Variants in TTC23L observed in about 807,000 individuals in gnomAD.
TTC23L encodes the protein tetratricopeptide repeat domain 23 like.
In TTC23L, 42 loss-of-function variants were observed where a neutral mutation model predicts 48.1. The ratio of observed to expected loss-of-function variants is 0.87; its 90% CI spans 0.68 to 1.13. The LOEUF is 1.13. Among genes scored for constraint, TTC23L ranks in the 50% most tolerant of loss-of-function variants. TTC23L has a pLI of 0.00. For synonymous variants in TTC23L, 159 were observed against 157.2 expected (o/e 1.01, Z -0.09); for missense variants, 391 against 421.0 (o/e 0.93, Z 0.62).
chr5:34,863,830 T>A lies in TTC23L; in HGVS notation c.537-607T>A, dbSNP rs1257560665. ...TCATCATGAGCACTCTTTGAGCCTA[T>A]GTGTCCCCAGTCTCCTCTCTACACA... On this transcript the variant is annotated intron_variant, in intron 5 of 10. Transcript: ENST00000505624. This position sits in a 1 kb window ranked among gnomAD's most constrained non-coding sequence, Gnocchi z 4.1. Among the ~76,000 whole-genome samples, 1 of 152,210 alleles carries A rather than the reference T, an allele frequency of 6.6e-6. No homozygotes were observed. The highest frequency in any genetic ancestry group is 1.5e-5 in the Non-Finnish European group (1 of 68,036).
intron 4 of TTC23L, among the ~76,000 whole-genome samples, chr5:34,855,591 C>T (rs1420170562): frequency 1.3e-5 from 2 of 152,170 alleles, no homozygotes; most frequent in African/African-American, 4.8e-5. Flanking sequence ...CAAGATTATT[C>T]TTTGCAGCAT....
At chr5:34,885,799 T>C (rs1762507148) in intron 9 of TTC23L, among the ~76,000 whole-genome samples, 1 of 151,970 alleles carries the variant, frequency 6.6e-6, no homozygotes, top group African/African-American at 2.4e-5. Flanking sequence ...TACCTACAAC[T>C]TATTTTCAAC....
chr5:34,898,660 A>T (rs922466750), intron 10 of TTC23L, among the ~76,000 whole-genome samples: 1 of 152,226 alleles, frequency 6.6e-6, no homozygotes, highest in Admixed American at 6.5e-5. Context: ...AAAGTGCCAG[A>T]TAGCTTTCTA....
At chr5:34,856,284 C>T (rs772626839) in intron 4 of TTC23L, among the ~76,000 whole-genome samples, 62 of 152,204 alleles carry the variant, frequency 4.1e-4, no homozygotes, top group Non-Finnish European at 5.0e-4. Flanking sequence ...GCTGATGTGA[C>T]GCTTAAAGGA....
chr5:34,900,388 C>T (rs1365858698), downstream of TTC23L, among the ~76,000 whole-genome samples: 6 of 151,818 alleles, frequency 4.0e-5, no homozygotes, highest in Non-Finnish European at 7.4e-5. Flanking sequence ...GTAATCCTAG[C>T]ACTCTGGGAG....
At chr5:34,870,990 A>G (rs1314442487) in intron 8 of TTC23L, among the ~76,000 whole-genome samples, 1 of 152,204 alleles carries the variant, frequency 6.6e-6, no homozygotes, top group South Asian at 2.1e-4. Flanking sequence ...AAAACCCTGC[A>G]GCTGATTTCA....
At chr5:34,888,725 T>C (rs1025856385) in intron 9 of TTC23L, among the ~76,000 whole-genome samples, 2 of 152,232 alleles carry the variant, frequency 1.3e-5, no homozygotes, top group Admixed American at 1.3e-4. Flanking sequence ...TACAGTCTCA[T>C]AGAACCCAGT....
At chr5:34,850,469 A>G (rs1170910838) in intron 4 of TTC23L, among the ~76,000 whole-genome samples, 161 bp downstream of exon 4, 3 of 152,234 alleles carry the variant, frequency 2.0e-5, no homozygotes, top group Non-Finnish European at 2.9e-5. Context: ...ACAGTGTGCA[A>G]GGATCTAAGT....
At chr5:34,885,916 C>A (rs1034660907) in intron 9 of TTC23L, among the ~76,000 whole-genome samples, 3 of 151,886 alleles carry the variant, frequency 2.0e-5, no homozygotes, top group African/African-American at 7.3e-5. Context: ...ATGTGTGAAT[C>A]TAGGCGAAAA....
chr5:34,893,193 T>C (rs928582335), intron 9 of TTC23L, among the ~76,000 whole-genome samples: 1 of 152,142 alleles, frequency 6.6e-6, no homozygotes, highest in Non-Finnish European at 1.5e-5. Flanking sequence ...TGAGGTTTAA[T>C]AGAGGCAGGA....
At chr5:34,896,923 C>T in intron 10 of TTC23L, 48 bp downstream of exon 10, 1 of 644,712 alleles carries the variant, frequency 1.6e-6, no homozygotes, top group Non-Finnish European at 2.9e-6. Flanking sequence ...CTGAAAGGGG[C>T]TGCAAGAAAT....
At chr5:34,840,179 T>TCTGTACCCGCCTCGTGACCC (rs1236903805) in intron 1 of TTC23L, among the ~76,000 whole-genome samples, 1 of 140,012 alleles carries the variant, frequency 7.1e-6, no homozygotes, top group East Asian at 2.3e-4. Context: ...GGCGTGAGCC[T>TCTGTACCCGCCTCGTGACCC]CTGTACCCGC....
intron 8 of TTC23L, among the ~76,000 whole-genome samples, chr5:34,870,582 G>A (rs1307868255): frequency 1.3e-5 from 2 of 152,062 alleles, no homozygotes; most frequent in Non-Finnish European, 2.9e-5. Flanking sequence ...AACAGAAGAG[G>A]AGAAAACACT....
chr5:34,880,096 T>A, intron 8 of TTC23L, 85 bp from the exon 9 acceptor site: 1 of 1,500,686 alleles, frequency 6.7e-7, no homozygotes, highest in Non-Finnish European at 9.0e-7. Context: ...ACTTTAAGCA[T>A]GAAAATGTCA....
chr5:34,879,504 G>A (rs2111642073), intron 8 of TTC23L, among the ~76,000 whole-genome samples: 1 of 152,200 alleles, frequency 6.6e-6, no homozygotes, highest in Admixed American at 6.5e-5. Flanking sequence ...CCCCCAAACA[G>A]GAACCTTAGT....
intron 1 of TTC23L, among the ~76,000 whole-genome samples, 183 bp from the exon 2 acceptor site, chr5:34,840,482 A>G (rs1477956459): frequency 6.6e-6 from 1 of 152,192 alleles, no homozygotes; most frequent in Non-Finnish European, 1.5e-5. Context: ...TAACTTAGAC[A>G]TTTAATTTGG....
the TTC23L span, chr5:34,925,409 A>C: frequency 1.2e-6 from 2 of 1,614,036 alleles, no homozygotes; most frequent in South Asian, 1.1e-5. Flanking sequence ...ACCAGAGCCA[A>C]AAGTTGATTT....
chr5:34,869,976 A>T (rs184815247), intron 8 of TTC23L: 1 of 152,198 alleles, frequency 6.6e-6, no homozygotes, highest in East Asian at 1.9e-4. Context: ...TATATTCTCC[A>T]TACAACTTGA....
chr5:34,879,720 C>CAT (rs1762088604), intron 8 of TTC23L, among the ~76,000 whole-genome samples: 1 of 151,870 alleles, frequency 6.6e-6, no homozygotes, highest in African/African-American at 2.4e-5. Context: ...TTTTAGGGCT[C>CAT]GGTGCGGTGG....
Sources: allele counts gnomAD v4.1 joint callset (sites outside exome capture counted in the v4.1 genomes callset), GRCh38; gene constraint gnomAD v4.1.1; non-coding constraint Gnocchi (gnomAD v3.1); transcripts MANE v1.5; gene names NCBI Gene and HGNC (gene_info 2026-07-23, HGNC 2026-07-21).